The following GRID1 variants were observed in gnomAD, a reference collection of about 807,000 sequenced individuals.
GRID1 encodes glutamate receptor ionotropic, delta-1.
Under a neutral mutation model 98.0 loss-of-function variants are expected in GRID1, and 28 were observed. That is an observed-to-expected ratio of 0.29 (90% CI 0.21 to 0.39). GRID1 has a LOEUF of 0.39. GRID1 is among the 10% of genes least tolerant of loss of function. The pLI is 1.00. For missense variants in GRID1, 1,111 were observed against 1,340.5 expected (o/e 0.83, Z 2.67); for synonymous variants, 553 against 538.5 (o/e 1.03, Z -0.37).
At chr10:85,922,232 C>T (rs1055647774) in intron 4 of GRID1, among the ~76,000 whole-genome samples, 3 of 152,164 alleles carry the variant, frequency 2.0e-5, no homozygotes, top group Non-Finnish European at 2.9e-5. Context: ...TTATAAGTCA[C>T]GGTGCTGTCC....
intron 4 of GRID1, among the ~76,000 whole-genome samples, chr10:86,130,866 C>G (rs1477768627): frequency 6.6e-6 from 1 of 152,152 alleles, no homozygotes; most frequent in East Asian, 1.9e-4. Flanking sequence ...CACAGGCACC[C>G]ACCCCTAGTG....
intron 8 of GRID1, among the ~76,000 whole-genome samples, chr10:85,769,507 C>G (rs542130695): frequency 6.6e-6 from 1 of 152,136 alleles, no homozygotes; most frequent in Non-Finnish European, 1.5e-5. Flanking sequence ...ATGTGCGAGC[C>G]GAAGCAGGGC....
At chr10:85,764,473 C>T (rs963567463) in intron 8 of GRID1, among the ~76,000 whole-genome samples, 5 of 152,186 alleles carry the variant, frequency 3.3e-5, no homozygotes, top group African/African-American at 9.6e-5. Context: ...CCCCTGGTCC[C>T]TTTAAGAACC....
Position 85,768,857 on chromosome 10 carries a change from T to C in GRID1, c.1234-39243A>G, listed in dbSNP as rs537085170. Among the ~76,000 whole-genome samples, 6 of 152,354 alleles carry C rather than the reference T, an allele frequency of 3.9e-5. No individual in the cohort carries two copies. The South Asian group carries it at 1.2e-3, about 32-fold the overall frequency. ...TTTAGCAAAGTCACAAACACACATA[T>C]ACAAATCCTTGTAACCAGTAATTAT... is the stretch of plus-strand genomic sequence containing the variant. On this transcript the variant is annotated intron_variant, in intron 8 of 15. Transcript: ENST00000327946.
At chr10:85,839,444 C>T (rs1842942915) in intron 8 of GRID1, among the ~76,000 whole-genome samples, 1 of 152,122 alleles carries the variant, frequency 6.6e-6, no homozygotes, top group Non-Finnish European at 1.5e-5. Flanking sequence ...GTCTCTCATA[C>T]CACAGTGTAA....
intron 4 of GRID1, among the ~76,000 whole-genome samples, chr10:86,078,748 G>A (rs975840505): frequency 7.2e-5 from 11 of 152,236 alleles, no homozygotes; most frequent in African/African-American, 2.7e-4. Context: ...GCAGGAAGGT[G>A]TCTGGCCCCA....
intron 5 of GRID1, among the ~76,000 whole-genome samples, chr10:85,897,062 CA>C (rs1212184413): frequency 1.3e-5 from 2 of 152,064 alleles, no homozygotes; most frequent in Non-Finnish European, 2.9e-5. Context: ...CAAAACTGAA[CA>C]TAACAGTAAA....
intron 4 of GRID1, among the ~76,000 whole-genome samples, chr10:86,027,302 T>C (rs184024572): frequency 2.0e-4 from 31 of 152,316 alleles, no homozygotes; most frequent in Non-Finnish European, 2.9e-4. Flanking sequence ...TCTGTCTCCA[T>C]GGATTTGCCT....
intron 8 of GRID1, among the ~76,000 whole-genome samples, chr10:85,778,998 A>C (rs2132723776): frequency 6.6e-6 from 1 of 152,366 alleles, no homozygotes; most frequent in African/African-American, 2.4e-5. Context: ...ATGAAGTCTG[A>C]GAAGCAGCCA....
At chr10:86,116,663 G>A (rs1844585982) in intron 4 of GRID1, among the ~76,000 whole-genome samples, 1 of 152,140 alleles carries the variant, frequency 6.6e-6, no homozygotes, top group Non-Finnish European at 1.5e-5. Context: ...AAAAATGATT[G>A]TGGGGTTGAC....
intron 8 of GRID1, among the ~76,000 whole-genome samples, chr10:85,767,290 C>T (rs1292989228): frequency 6.6e-6 from 1 of 152,164 alleles, no homozygotes; most frequent in African/African-American, 2.4e-5. Context: ...TATCCTCCTC[C>T]CACACCATCA....
chr10:85,976,520 G>T (rs1402979686), intron 4 of GRID1, among the ~76,000 whole-genome samples: 4 of 152,218 alleles, frequency 2.6e-5, no homozygotes, highest in Admixed American at 2.6e-4. Context: ...GCTTCTGCAA[G>T]AACTCACCTA....
At chr10:86,037,091 A>G (rs1213369283) in intron 4 of GRID1, among the ~76,000 whole-genome samples, 2 of 152,202 alleles carry the variant, frequency 1.3e-5, no homozygotes, top group South Asian at 2.1e-4. Context: ...TGCCCTTTTG[A>G]TACCACTTTC....
intron 2 of GRID1, among the ~76,000 whole-genome samples, chr10:86,257,772 G>A (rs1846947238): frequency 6.6e-6 from 1 of 152,128 alleles, no homozygotes; most frequent in African/African-American, 2.4e-5. Context: ...CACAGAGAGG[G>A]CCTGGGAGAA....
rs371874311 is a variant in GRID1, at chr10:86,346,050, C to G, written c.235+17891G>C. ...TAGGTTAGGCACCACCCCTGTGCTC[C>G]CACACCCCTGGGCAGGCTTCATTCT... On this transcript the variant is annotated intron_variant, in intron 2 of 15. Coordinates refer to ENST00000327946, the MANE Select transcript of GRID1 (RefSeq NM_017551.3). 1.7e-4 allele frequency among the ~76,000 whole-genome samples: 26 copies of G among 152,326 alleles called. 1 individual carries two copies. In the East Asian group the frequency reaches 3.7e-3, roughly 21 times the overall value.
chr10:86,045,649 G>C (rs1165202552), intron 4 of GRID1, among the ~76,000 whole-genome samples: 1 of 152,098 alleles, frequency 6.6e-6, no homozygotes, highest in African/African-American at 2.4e-5. Context: ...GAGAGTGAGA[G>C]AGTGAGATGG....
intron 2 of GRID1, among the ~76,000 whole-genome samples, chr10:86,266,804 C>T (rs771249769): frequency 3.3e-5 from 5 of 152,178 alleles, no homozygotes; most frequent in Non-Finnish European, 7.3e-5. Context: ...GAGCTTAAGT[C>T]CCCAGAGTTT....
intron 13 of GRID1, among the ~76,000 whole-genome samples, chr10:85,627,048 A>G (rs890805278): frequency 2.0e-5 from 3 of 152,234 alleles, no homozygotes; most frequent in African/African-American, 7.2e-5. Context: ...TAAATGCTCA[A>G]TAATTGGGAA....
intron 3 of GRID1, among the ~76,000 whole-genome samples, chr10:86,154,403 A>G (rs1309639203): frequency 6.6e-6 from 1 of 152,136 alleles, no homozygotes; most frequent in African/African-American, 2.4e-5. Flanking sequence ...CTGAGCCAGG[A>G]GGTCTGATTC....
Sources: gnomAD v4.1 joint callset for allele counts (sites outside exome capture counted in the v4.1 genomes callset) on GRCh38, gnomAD v4.1.1 for gene constraint, MANE v1.5 for transcripts, NCBI Gene and HGNC (gene_info 2026-07-23, HGNC 2026-07-21) for gene names.